The following AFF2 variants were observed in gnomAD, a reference collection of about 807,000 sequenced individuals.
AFF2 encodes ALF transcription elongation factor 2.
Under a neutral mutation model 76.9 loss-of-function variants are expected in AFF2, and 14 were observed. That is an observed-to-expected ratio of 0.18 (90% CI 0.12 to 0.28). The LOEUF is 0.28. Ranked by LOEUF, AFF2 falls within the 10% of genes least tolerant of loss-of-function variation. The probability of loss-of-function intolerance (pLI) is 1.00; values close to 1 mark genes in which losing one functional copy is unlikely to be tolerated. For synonymous variants in AFF2, 398 were observed against 366.7 expected (o/e 1.09, Z -0.98); for missense variants, 868 against 1,001.1 (o/e 0.87, Z 1.79).
At chrX:148,688,359 A>AT (rs1307951225) in intron 3 of AFF2, among the ~76,000 whole-genome samples, 1 of 111,483 alleles carries the variant, frequency 9.0e-6, no homozygotes, top group East Asian at 2.8e-4. Context: ...GAAGTGTGCC[A>AT]TCATACTTTT....
chrX:148,974,449 C>A (rs2072296990), intron 16 of AFF2, among the ~76,000 whole-genome samples: 1 of 111,192 alleles, frequency 9.0e-6, no homozygotes, highest in African/African-American at 3.3e-5. Flanking sequence ...TCCTTATGTC[C>A]AGTCCCATCT....
At chrX:148,970,943 T>C (rs781967253) in intron 15 of AFF2, among the ~76,000 whole-genome samples, 1 of 111,422 alleles carries the variant, frequency 9.0e-6, no homozygotes, top group Admixed American at 9.6e-5. Flanking sequence ...AATGAGCAGA[T>C]AGTTTAGTAA....
At chrX:148,985,522 A>C (rs1478351828) in intron 19 of AFF2, among the ~76,000 whole-genome samples, 1 of 109,145 alleles carries the variant, frequency 9.2e-6, no homozygotes, top group Non-Finnish European at 1.9e-5. Flanking sequence ...TAAGAATTAC[A>C]GACGAGAAAG....
chrX:148,602,741 C>A (rs1422621432), intron 1 of AFF2, among the ~76,000 whole-genome samples: 1 of 110,199 alleles, frequency 9.1e-6, no homozygotes, highest in Non-Finnish European at 1.9e-5. Context: ...CATGGAGCAG[C>A]CTTGGTTTTG....
At chrX:148,974,432 T>C (rs1216965965) in intron 16 of AFF2, among the ~76,000 whole-genome samples, 1 of 111,490 alleles carries the variant, frequency 9.0e-6, no homozygotes, top group Non-Finnish European at 1.9e-5. Context: ...GTTTTTTACC[T>C]GAAAAGTCCT....
intron 1 of AFF2, among the ~76,000 whole-genome samples, chrX:148,616,573 T>A (rs1010584120): frequency 1.8e-4 from 20 of 110,918 alleles, no homozygotes; most frequent in African/African-American, 3.6e-4. Flanking sequence ...CTTTTTTTTT[T>A]AAATTTTATT....
At chrX:148,514,577 T>C (rs782308673) in intron 1 of AFF2, among the ~76,000 whole-genome samples, 3 of 112,638 alleles carry the variant, frequency 2.7e-5, no homozygotes, top group Non-Finnish European at 5.6e-5. Flanking sequence ...AATTGGTCTA[T>C]GTGATGTTGA....
chrX:148,500,962 G>T lies in AFF2; in HGVS notation c.-136G>T, dbSNP rs782314256. 2.6e-6 allele frequency: 2 copies of T among 783,224 alleles called. No homozygotes were observed. The highest frequency in any genetic ancestry group is 3.5e-6 in the Non-Finnish European group (2 of 568,151). 64.5% of individuals were successfully genotyped at this position (783,224 alleles called of 1,213,427 possible). On this transcript the variant is annotated 5_prime_UTR_variant, in exon 1 of 21. Coordinates refer to ENST00000370460, the MANE Select transcript of AFF2 (RefSeq NM_002025.4). ...AGCGCCCGCTGCTGCTGCCGATGCGGCCCGGACACTTTTAGCTGGGCGGGA... is the reference window on the plus strand; with the variant it reads ...AGCGCCCGCTGCTGCTGCCGATGCGTCCCGGACACTTTTAGCTGGGCGGGA...
In AFF2 at chrX:148,529,214, G is replaced by GA. The variant is rs2052700401; in HGVS notation, c.47+28074dup. Among the ~76,000 whole-genome samples the GA allele has an allele frequency of 2.7e-5, 3 of 111,886 alleles. No individual in the cohort carries two copies. The South Asian group carries it at 1.1e-3, about 42-fold the overall frequency. ...TTTTGTCTGCCTCCTTAGTTAATGAGAAAATCTGTGGTAGCCCAGTGCTGG... is the reference window on the plus strand; with the variant it reads ...TTTTGTCTGCCTCCTTAGTTAATGAGAAAAATCTGTGGTAGCCCAGTGCTGG... On this transcript the variant is annotated intron_variant, in intron 1 of 20. Coordinates refer to ENST00000370460, the MANE Select transcript of AFF2 (RefSeq NM_002025.4).
intron 7 of AFF2, among the ~76,000 whole-genome samples, chrX:148,860,289 A>G (rs2070832869): frequency 8.9e-6 from 1 of 112,023 alleles, no homozygotes; most frequent in South Asian, 3.7e-4. Context: ...TCTGGTTCAC[A>G]GACACATTCC....
chrX:148,772,844 T>C (rs781807880), intron 3 of AFF2, among the ~76,000 whole-genome samples: 1 of 110,988 alleles, frequency 9.0e-6, no homozygotes, highest in Non-Finnish European at 1.9e-5. Flanking sequence ...AATTCAACCA[T>C]TGATAAAGAA....
intron 3 of AFF2, among the ~76,000 whole-genome samples, chrX:148,733,898 C>A (rs1338140874): frequency 1.8e-5 from 2 of 112,351 alleles, no homozygotes; most frequent in Non-Finnish European, 3.8e-5. Context: ...AGAAGGAGAC[C>A]AAAACCTACC....
intron 3 of AFF2, among the ~76,000 whole-genome samples, chrX:148,806,968 G>C (rs1295234682): frequency 8.9e-6 from 1 of 112,376 alleles, no homozygotes; most frequent in Non-Finnish European, 1.9e-5. Flanking sequence ...GCCCGGGCTA[G>C]ATGAATTTGC....
chrX:148,930,746 T>C (rs1410467919), intron 9 of AFF2, among the ~76,000 whole-genome samples: 1 of 112,332 alleles, frequency 8.9e-6, no homozygotes, highest in Non-Finnish European at 1.9e-5. Context: ...TGCTAATCAC[T>C]GACCTGAAGC....
At chrX:148,984,806 T>A (rs782413111) in intron 19 of AFF2, among the ~76,000 whole-genome samples, 42 of 111,291 alleles carry the variant, frequency 3.8e-4, no homozygotes, top group African/African-American at 1.3e-3. Flanking sequence ...CTGGACATGA[T>A]TGGAAATCAT....
At chrX:148,701,020 G>GAA (rs1557261823) in intron 3 of AFF2, among the ~76,000 whole-genome samples, 50 of 106,221 alleles carry the variant, frequency 4.7e-4, no homozygotes, top group African/African-American at 1.3e-3. Flanking sequence ...GAATGTGTGT[G>GAA]TGTGTGTGTG....
intron 4 of AFF2, among the ~76,000 whole-genome samples, chrX:148,817,448 C>G (rs1929539190): frequency 9.0e-6 from 1 of 111,239 alleles, no homozygotes; most frequent in Admixed American, 9.6e-5. Context: ...AAAATCTAAA[C>G]AGGCTTATAG....
chrX:148,583,280 C>T (rs1443552565), intron 1 of AFF2, among the ~76,000 whole-genome samples: 1 of 111,931 alleles, frequency 8.9e-6, no homozygotes, highest in African/African-American at 3.2e-5. Flanking sequence ...AAAGCCATTA[C>T]AAAAACTGAA....
At chrX:148,969,886 G>T (rs978975749) in intron 15 of AFF2, among the ~76,000 whole-genome samples, 32 of 110,724 alleles carry the variant, frequency 2.9e-4, no homozygotes, top group African/African-American at 9.2e-4. Flanking sequence ...TTTATGGATG[G>T]GGAAACAGTC....
Sources: gnomAD v4.1 joint callset for allele counts (sites outside exome capture counted in the v4.1 genomes callset) on GRCh38, gnomAD v4.1.1 for gene constraint, MANE v1.5 for transcripts, NCBI Gene and HGNC (gene_info 2026-07-23, HGNC 2026-07-21) for gene names.